Variants in LIG3 observed in about 807,000 individuals in gnomAD.
LIG3 encodes ligase II, DNA, ATP-dependent.
In LIG3, 58 loss-of-function variants were observed where a neutral mutation model predicts 110.9. That is an observed-to-expected ratio of 0.52 (90% CI 0.42 to 0.65). The LOEUF is 0.65. Among genes scored for constraint, LIG3 ranks in the 30% least tolerant of loss-of-function variants. The pLI, the probability that LIG3 is intolerant of heterozygous loss-of-function variation, is 0.00. For missense variants in LIG3, 1,094 were observed against 1,273.8 expected (o/e 0.86, Z 2.15); for synonymous variants, 422 against 472.8 (o/e 0.89, Z 1.39).
intron 9 of LIG3, 79 bp from the exon 10 acceptor site, chr17:34,995,985 C>G: frequency 6.5e-7 from 1 of 1,540,014 alleles, no homozygotes; most frequent in Middle Eastern, 2.1e-4. Flanking sequence ...TGTCTGGGCC[C>G]GGGCTTTGCC....
At chr17:34,982,900 T>G in intron 1 of LIG3, 102 bp from the exon 2 acceptor site, 1 of 813,630 alleles carries the variant, frequency 1.2e-6, no homozygotes. Flanking sequence ...GTTTGATTAG[T>G]CATCATGGAC....
chr17:35,002,754 C>T lies in LIG3; in HGVS notation c.2761C>T (p.Arg921Trp), dbSNP rs572202786. 7 of 1,611,036 alleles carry T rather than the reference C, an allele frequency of 4.3e-6. No homozygotes were observed. The highest frequency in any genetic ancestry group is 1.7e-4 in the Middle Eastern group (1 of 6,018). ...TTCTCCAGTGAAAGTAGGGGAGAAG[C>T]GGAAAGCTGCTGATGAGACGCTGTG... ...KSSPVKVGEK[R>W]KAADETLCQT... Residue 921 changes from arginine (R) to tryptophan (W), a missense_variant, in exon 19 of 20, where the codon CGG becomes TGG. Transcript: ENST00000378526.
At position 34,991,778 on chromosome 17, in the gene LIG3, G is replaced by T. The variant is rs757366766; in HGVS notation, c.1149G>T (p.Arg383=). Reference sequence around the variant, plus strand: ...AGGAAGTGGATGAGTTCCTTCTGCGGCTGTCCAAGCTCACCAAGGAGGATG... The same window carrying T: ...AGGAAGTGGATGAGTTCCTTCTGCGTCTGTCCAAGCTCACCAAGGAGGATG... ...TIQEVDEFLL[R]LSKLTKEDEQ... is the part of the protein sequence containing the mutation. The change falls in exon 6 of 20, where the codon CGG becomes CGT. Residue 383 remains arginine (R), a synonymous_variant. Transcript: ENST00000378526. 1 of 1,614,120 alleles carries T rather than the reference G, an allele frequency of 6.2e-7. No homozygotes were observed. Among genetic ancestry groups the T allele is most frequent in the Admixed American group, 1.7e-5 (1 of 60,014 alleles).
Position 35,004,740 on chromosome 17 carries a change from C to T in LIG3, c.*234C>T, listed in dbSNP as rs2090881841. The T allele has an allele frequency of 4.0e-6, 2 of 498,010 alleles. No individual in the cohort carries two copies. Among genetic ancestry groups the T allele is most frequent in the Admixed American group, 3.7e-5 (1 of 26,928 alleles). 30.8% of individuals were successfully genotyped at this position (498,010 alleles called of 1,614,324 possible). On this transcript the variant is annotated 3_prime_UTR_variant, in exon 20 of 20. Coordinates refer to ENST00000378526, the MANE Select transcript of LIG3 (RefSeq NM_013975.4). ...TTTCAGAGCTGGGTGCTGGGTTTGCCATCTTTTTGTTTTCTTTGAAAAGCA... is the reference window on the plus strand; with the variant it reads ...TTTCAGAGCTGGGTGCTGGGTTTGCTATCTTTTTGTTTTCTTTGAAAAGCA...
intron 3 of LIG3, among the ~76,000 whole-genome samples, chr17:34,988,924 AT>A (rs1445664626): frequency 6.6e-6 from 1 of 152,144 alleles, no homozygotes; most frequent in East Asian, 1.9e-4. Flanking sequence ...GTAATTTCAC[AT>A]TGTCTAACAC....
intron 1 of LIG3, among the ~76,000 whole-genome samples, chr17:34,981,837 TAAG>T (rs2090597270): frequency 6.6e-6 from 1 of 152,250 alleles, no homozygotes; most frequent in African/African-American, 2.4e-5. Flanking sequence ...AACATGAATA[TAAG>T]AAGATGCTGA....
chr17:34,989,752 C>T lies in LIG3; in HGVS notation c.889+89C>T, dbSNP rs79162743. On this transcript the variant is annotated intron_variant, in intron 4 of 19. Transcript: ENST00000378526. ...TGGGCATGTGAGCTGTATAGTTGCC[C>T]GGGATCCCATGCTTGGTTTAATGCT... 2,943 of 1,240,210 alleles carry T rather than the reference C, an allele frequency of 2.4e-3. 2 individuals carry two copies. The highest frequency in any genetic ancestry group is 3.2e-3 in the Non-Finnish European group (2,665 of 845,702). 76.8% of individuals were successfully genotyped at this position (1,240,210 alleles called of 1,614,324 possible).
chr17:34,996,435 A>G, intron 10 of LIG3, 139 bp from the exon 11 acceptor site: 1 of 829,742 alleles, frequency 1.2e-6, no homozygotes, highest in Non-Finnish European at 1.9e-6. Context: ...CAGTGCCCTT[A>G]TGGCCCAGGG....
intron 18 of LIG3, among the ~76,000 whole-genome samples, 163 bp from the exon 19 acceptor site, chr17:35,002,505 A>G (rs938607947): frequency 2.6e-5 from 4 of 152,124 alleles, no homozygotes; most frequent in African/African-American, 4.8e-5. Flanking sequence ...CTTTTGTATC[A>G]TATGTTTTTT....
At chr17:34,998,768 A>G (rs888173526) in intron 14 of LIG3, 41 bp downstream of exon 14, 7 of 1,596,172 alleles carry the variant, frequency 4.4e-6, no homozygotes, top group Admixed American at 1.7e-5. Flanking sequence ...ACTGTTTTAG[A>G]AGGTACCGCT....
intron 2 of LIG3, among the ~76,000 whole-genome samples, chr17:34,983,818 A>G (rs192510730): frequency 6.6e-6 from 1 of 152,332 alleles, no homozygotes; most frequent in Admixed American, 6.5e-5. Flanking sequence ...TTATTTGGAA[A>G]TAATTTTAAA....
chr17:34,996,729 C>A (rs898664296), intron 11 of LIG3, 76 bp downstream of exon 11: 1 of 1,295,386 alleles, frequency 7.7e-7, no homozygotes, highest in Non-Finnish European at 1.1e-6. Flanking sequence ...AAGATGGGGG[C>A]TTCAGGTTGG....
intron 19 of LIG3, chr17:35,004,058 CTCCTT>C (rs1467704214): frequency 2.3e-5 from 13 of 564,840 alleles, no homozygotes; most frequent in Non-Finnish European, 4.1e-5. Flanking sequence ...CCTGTCCACT[CTCCTT>C]TTCCCCTAGG....
chr17:34,983,319 G>A lies in LIG3; in HGVS notation c.314G>A (p.Cys105Tyr). The A allele has an allele frequency of 6.2e-7, 1 of 1,614,210 alleles. No homozygotes were observed. The highest frequency in any genetic ancestry group is 2.2e-5 in the East Asian group (1 of 44,884). The stretch of plus-strand genomic sequence containing the variant: ...TATGCCAAGCGTGGCACAGCTGGCT[G>A]CAAAAAATGCAAGGAAAAGATTGTG... Reference protein sequence around the residue: ...VDYAKRGTAGCKKCKEKIVKG... With the variant: ...VDYAKRGTAGYKKCKEKIVKG... Residue 105 changes from cysteine to tyrosine, a missense_variant, in exon 2 of 20, where the codon TGC (cysteine) becomes TAC (tyrosine). Physicochemically the swap from Cys to Tyr is radical, Grantham distance 194 (BLOSUM62 -2). Transcript: ENST00000378526.
intron 2 of LIG3, 53 bp downstream of exon 2, chr17:34,983,605 A>C: frequency 6.7e-7 from 1 of 1,503,526 alleles, no homozygotes. Flanking sequence ...AGAAAAAGGG[A>C]TAAGGAGTTC....
At chr17:34,995,936 TGCACATTA>T in intron 9 of LIG3, 120 bp from the exon 10 acceptor site, 1 of 1,172,084 alleles carries the variant, frequency 8.5e-7, no homozygotes, top group South Asian at 1.5e-5. Flanking sequence ...CTATATGTTT[TGCACATTA>T]GCTGGGCCTT....
At chr17:34,999,998 G>C (rs1268831411) in intron 16 of LIG3, 142 bp downstream of exon 16, 2 of 626,026 alleles carry the variant, frequency 3.2e-6, no homozygotes, top group Non-Finnish European at 5.7e-6. Flanking sequence ...TAGGCACAGG[G>C]ACAACCAGAC....
chr17:35,007,533 C>A lies in LIG3; in HGVS notation c.*3027C>A, dbSNP rs963409332. ...GGTCAGCTCCCTAGGGCAATGTGAGCAAAGTGTTGTGGCTCATCCTCGATC... is the reference window on the plus strand; with the variant it reads ...GGTCAGCTCCCTAGGGCAATGTGAGAAAAGTGTTGTGGCTCATCCTCGATC... On this transcript the variant is annotated 3_prime_UTR_variant, in exon 20 of 20. Transcript: ENST00000378526. 1 of 152,200 alleles carries A rather than the reference C, an allele frequency of 6.6e-6. No homozygotes were observed. Among genetic ancestry groups the A allele is most frequent in the Non-Finnish European group, 1.5e-5 (1 of 68,068 alleles). 9.4% of individuals were successfully genotyped at this position (152,200 alleles called of 1,614,324 possible). A position where few individuals can be genotyped will look rare whatever the true frequency, so the allele number is the denominator to read the frequency against.
chr17:34,992,682 A>G lies in LIG3; in HGVS notation c.1445A>G (p.Gln482Arg). 1 of 1,593,432 alleles carries G rather than the reference A, an allele frequency of 6.3e-7. No homozygotes were observed. Among genetic ancestry groups the G allele is most frequent in the Non-Finnish European group, 8.5e-7 (1 of 1,171,174 alleles). Residue 482 changes from glutamine (Q) to arginine (R), a missense_variant, in exon 8 of 20, where the codon CAG becomes CGG. Physicochemically the swap from Gln to Arg is conservative, Grantham distance 43. Transcript: ENST00000378526. ...CAGGCCTCGCTGATGACACCTGTGC[A>G]GCCCATGTTGGTGAGGAGTGCTCCC... ...SVQASLMTPVQPMLAEACKSV... is the reference protein window; with the variant it reads ...SVQASLMTPVRPMLAEACKSV...
Sources: gnomAD v4.1 joint callset for allele counts (sites outside exome capture counted in the v4.1 genomes callset) on GRCh38, gnomAD v4.1.1 for gene constraint, MANE v1.5 for transcripts, NCBI Gene and HGNC (gene_info 2026-07-23, HGNC 2026-07-21) for gene names.